Variants in DCAF8L2 observed in about 807,000 individuals in gnomAD.
The protein encoded by DCAF8L2 is DDB1- and CUL4-associated factor 8-like protein 2.
For missense variants in DCAF8L2, 430 were observed against 490.7 expected (o/e 0.88, Z 1.17); for synonymous variants, 200 against 190.9 (o/e 1.05, Z -0.39).
intron 1 of DCAF8L2, among the ~76,000 whole-genome samples, chrX:27,628,656 T>C (rs1034190750): frequency 3.8e-5 from 4 of 105,662 alleles, no homozygotes; most frequent in African/African-American, 1.4e-4. Flanking sequence ...CAGGCTGGAG[T>C]GCAGTGGCGC....
At chrX:27,497,513 C>CT in the DCAF8L2 span, among the ~76,000 whole-genome samples, 2,519 of 30,342 alleles carry the variant, frequency 0.083, 101 homozygotes, top group African/African-American at 0.16. Flanking sequence ...TCTTTCTTTC[C>CT]TTCCTTCCTT....
chrX:27,625,754 A>G (rs1356225394), intron 1 of DCAF8L2, among the ~76,000 whole-genome samples: 1 of 111,769 alleles, frequency 8.9e-6, no homozygotes, highest in Non-Finnish European at 1.9e-5. Context: ...AAACCAACCC[A>G]GGAACAGAAA....
chrX:27,601,571 A>G (rs145828482), intron 1 of DCAF8L2, among the ~76,000 whole-genome samples: 1 of 110,885 alleles, frequency 9.0e-6, no homozygotes, highest in Non-Finnish European at 1.9e-5. Flanking sequence ...ATGGTGACAC[A>G]TGCCTGTAAT....
intron 4 of DCAF8L2, among the ~76,000 whole-genome samples, chrX:27,722,560 G>A (rs1183562561): frequency 9.0e-6 from 1 of 111,387 alleles, no homozygotes; most frequent in Non-Finnish European, 1.9e-5. Context: ...AATTGGATGT[G>A]TGGTTTCTAC....
At chrX:27,490,403 T>A in the DCAF8L2 span, among the ~76,000 whole-genome samples, 5 of 111,803 alleles carry the variant, frequency 4.5e-5, no homozygotes, top group Non-Finnish European at 9.4e-5. Context: ...TATTGCATAG[T>A]GGTGAAACCT....
chrX:27,694,257 T>G (rs1198889642), intron 3 of DCAF8L2, among the ~76,000 whole-genome samples: 5 of 111,067 alleles, frequency 4.5e-5, no homozygotes, highest in African/African-American at 1.3e-4. Flanking sequence ...CACTTACTGC[T>G]CACTACCTGG....
At chrX:27,646,667 AT>A (rs1250345520) in intron 2 of DCAF8L2, among the ~76,000 whole-genome samples, 1 of 111,433 alleles carries the variant, frequency 9.0e-6, no homozygotes, top group Non-Finnish European at 1.9e-5. Context: ...CATCTGAAAA[AT>A]GTTTAATATC....
intron 2 of DCAF8L2, among the ~76,000 whole-genome samples, chrX:27,664,757 C>A (rs1039549351): frequency 2.7e-5 from 3 of 111,121 alleles, no homozygotes; most frequent in Admixed American, 9.7e-5. Flanking sequence ...ATTTACCATT[C>A]CTAAGATCTT....
the DCAF8L2 span, among the ~76,000 whole-genome samples, chrX:27,560,350 A>G: frequency 9.0e-6 from 1 of 111,072 alleles, no homozygotes; most frequent in Non-Finnish European, 1.9e-5. Flanking sequence ...CTGTCTGTCA[A>G]GGTCATTATG....
the DCAF8L2 span, among the ~76,000 whole-genome samples, chrX:27,532,323 T>C: frequency 5.4e-5 from 6 of 111,084 alleles, no homozygotes; most frequent in Non-Finnish European, 9.4e-5. Context: ...CTCAGAGAAT[T>C]GAAAGGAACA....
chrX:27,590,994 TA>T (rs1376773165), intron 1 of DCAF8L2, among the ~76,000 whole-genome samples: 4 of 53,536 alleles, frequency 7.5e-5, no homozygotes, highest in East Asian at 8.8e-4. Context: ...TTACATTTTA[TA>T]TATATATATA....
At chrX:27,490,136 C>T in the DCAF8L2 span, among the ~76,000 whole-genome samples, 2 of 112,026 alleles carry the variant, frequency 1.8e-5, no homozygotes, top group Non-Finnish European at 1.9e-5. Context: ...CTTGGGAAGG[C>T]CACTGTTCCT....
the DCAF8L2 span, among the ~76,000 whole-genome samples, chrX:27,515,563 A>AACAG: frequency 8.9e-6 from 1 of 111,888 alleles, no homozygotes; most frequent in Non-Finnish European, 1.9e-5. Flanking sequence ...CAAACAAACA[A>AACAG]ACAAAAGGAA....
At chrX:27,711,996 G>A (rs571276669) in intron 3 of DCAF8L2, among the ~76,000 whole-genome samples, 2 of 111,423 alleles carry the variant, frequency 1.8e-5, no homozygotes, top group African/African-American at 6.5e-5. Flanking sequence ...AGTTGTACAT[G>A]ATGTTCCTTT....
At chrX:27,735,383 G>C (rs887989405) in intron 4 of DCAF8L2, among the ~76,000 whole-genome samples, 1 of 111,964 alleles carries the variant, frequency 8.9e-6, no homozygotes, top group Non-Finnish European at 1.9e-5. Context: ...CTTTCTGTCT[G>C]TTGGGGCTAC....
the DCAF8L2 span, among the ~76,000 whole-genome samples, chrX:27,479,948 A>T: frequency 8.9e-6 from 1 of 111,945 alleles, no homozygotes; most frequent in Non-Finnish European, 1.9e-5. Context: ...TGAGCCAAAA[A>T]ATCAATGTAA....
upstream of DCAF8L2, among the ~76,000 whole-genome samples, chrX:27,587,838 G>A (rs1276398534): frequency 3.7e-5 from 4 of 108,818 alleles, no homozygotes; most frequent in Admixed American, 3.9e-4. Flanking sequence ...AAAATATGGG[G>A]TCTACCCCTC....
the DCAF8L2 span, among the ~76,000 whole-genome samples, chrX:27,521,583 A>T: frequency 8.9e-6 from 1 of 112,305 alleles, no homozygotes; most frequent in Admixed American, 9.5e-5. Flanking sequence ...TATTTAGTTA[A>T]AGACTGATGT....
chrX:27,473,510 T>C, the DCAF8L2 span, among the ~76,000 whole-genome samples: 1 of 110,593 alleles, frequency 9.0e-6, no homozygotes, highest in Non-Finnish European at 1.9e-5. Flanking sequence ...GGTCAGAAAA[T>C]GAGAGCTCAC....
Sources: gnomAD v4.1 joint callset for allele counts (sites outside exome capture counted in the v4.1 genomes callset) on GRCh38, gnomAD v4.1.1 for gene constraint, MANE v1.5 for transcripts, NCBI Gene and HGNC (gene_info 2026-07-23, HGNC 2026-07-21) for gene names.